The following WDR72 variants were observed in gnomAD, a reference collection of about 807,000 sequenced individuals.
WDR72 encodes the protein WD repeat-containing protein 72.
In WDR72, 120 loss-of-function variants were observed where a neutral mutation model predicts 124.2. That is an observed-to-expected ratio of 0.97 (90% CI 0.83 to 1.12). WDR72 has a LOEUF of 1.12. WDR72 is among the 50% of genes most tolerant of loss of function. The probability of loss-of-function intolerance (pLI) is 0.00; values close to 1 mark genes in which losing one functional copy is unlikely to be tolerated. For missense variants in WDR72, 1,387 were observed against 1,278.8 expected (o/e 1.08, Z -1.29); for synonymous variants, 452 against 441.7 (o/e 1.02, Z -0.29).
At chr15:53,611,229 T>C (rs988790691) in intron 16 of WDR72, among the ~76,000 whole-genome samples, 1 of 152,170 alleles carries the variant, frequency 6.6e-6, no homozygotes, top group Non-Finnish European at 1.5e-5. Flanking sequence ...ACTTCCTTTC[T>C]TTAACCTTCC....
chr15:53,738,443 T>C (rs1324443634), intron 1 of WDR72, among the ~76,000 whole-genome samples: 1 of 152,124 alleles, frequency 6.6e-6, no homozygotes, highest in African/African-American at 2.4e-5. Context: ...AGGAAGGCCC[T>C]AAAAACATCA....
intron 19 of WDR72, among the ~76,000 whole-genome samples, chr15:53,521,914 AGAGT>A (rs772368321): frequency 2.6e-5 from 4 of 152,222 alleles, no homozygotes; most frequent in Non-Finnish European, 5.9e-5. Context: ...TCTCCCTTTT[AGAGT>A]GAGACTCATC....
chr15:53,644,016 G>C (rs576486329), intron 14 of WDR72, among the ~76,000 whole-genome samples: 2 of 152,204 alleles, frequency 1.3e-5, no homozygotes, highest in South Asian at 4.1e-4. Flanking sequence ...GTGTTTAATT[G>C]TAAATGCCAA....
chr15:53,745,125 C>A (rs2018611691), intron 1 of WDR72, among the ~76,000 whole-genome samples: 2 of 150,596 alleles, frequency 1.3e-5, no homozygotes, highest in South Asian at 4.2e-4. Context: ...TGCAAATATT[C>A]TTTGAGCCTC....
intron 13 of WDR72, among the ~76,000 whole-genome samples, chr15:53,670,538 A>G (rs545217555): frequency 6.6e-6 from 1 of 152,334 alleles, no homozygotes; most frequent in African/African-American, 2.4e-5. Flanking sequence ...CAGGGGGACA[A>G]CAAGGACACA....
intron 17 of WDR72, among the ~76,000 whole-genome samples, chr15:53,600,240 G>A (rs2012982972): frequency 1.3e-5 from 2 of 152,064 alleles, no homozygotes; most frequent in Non-Finnish European, 2.9e-5. Flanking sequence ...CAGTACTTGA[G>A]TCTCTCTCTA....
intron 14 of WDR72, among the ~76,000 whole-genome samples, chr15:53,649,275 G>A (rs184106957): frequency 6.6e-6 from 1 of 152,118 alleles, no homozygotes; most frequent in Non-Finnish European, 1.5e-5. Context: ...AGGTGTACCA[G>A]AGACTGTATG....
chr15:53,627,074 A>C (rs1171575821), intron 14 of WDR72, among the ~76,000 whole-genome samples: 5 of 152,078 alleles, frequency 3.3e-5, no homozygotes, highest in Non-Finnish European at 7.3e-5. Flanking sequence ...CCTCACACTA[A>C]GGAAAAATGA....
intron 18 of WDR72, among the ~76,000 whole-genome samples, chr15:53,574,503 T>C (rs931783948): frequency 2.0e-5 from 3 of 152,168 alleles, no homozygotes; most frequent in Non-Finnish European, 2.9e-5. Context: ...TCGGAAATGA[T>C]AAAATGTGGA....
At position 53,714,700 on chromosome 15, in the gene WDR72, T is replaced by C. The variant is rs566914872; in HGVS notation, c.515-190A>G. Among the ~76,000 whole-genome samples the C allele has an allele frequency of 9.9e-5, 15 of 152,270 alleles. No homozygotes were observed. The South Asian group carries it at 2.9e-3, about 29-fold the overall frequency. On this transcript the variant is annotated intron_variant, in intron 5 of 19. Coordinates refer to ENST00000360509, the MANE Select transcript of WDR72 (RefSeq NM_182758.4). ...CCAAATCTGTTTTAAAATTTCAAAG[T>C]GATTCCTAGGTATAAGAAGAGCACC...
At chr15:53,650,324 T>C (rs1246391481) in intron 14 of WDR72, among the ~76,000 whole-genome samples, 2 of 152,172 alleles carry the variant, frequency 1.3e-5, no homozygotes, top group African/African-American at 4.8e-5. Flanking sequence ...CCAGTAAAAT[T>C]AGTAAGCTAT....
intron 18 of WDR72, among the ~76,000 whole-genome samples, chr15:53,553,232 C>T (rs1033894333): frequency 6.6e-6 from 1 of 152,126 alleles, no homozygotes; most frequent in Admixed American, 6.5e-5. Context: ...GTCCTTTGAC[C>T]TAGCAGATAA....
At chr15:53,715,892 A>G (rs12913800) in intron 4 of WDR72, among the ~76,000 whole-genome samples, 5,666 of 152,316 alleles carry the variant, frequency 0.037, 133 homozygotes, top group Non-Finnish European at 0.049. Context: ...TTAAAAAGAA[A>G]TAAAGTATTT....
chr15:53,712,735 G>T (rs780583096), intron 7 of WDR72, 37 bp downstream of exon 7: 8 of 1,591,422 alleles, frequency 5.0e-6, no homozygotes, highest in Non-Finnish European at 6.9e-6. Flanking sequence ...AATTACACTT[G>T]TACATCACTG....
chr15:53,688,369 A>G (rs927905925), intron 13 of WDR72, among the ~76,000 whole-genome samples: 2 of 148,130 alleles, frequency 1.4e-5, no homozygotes, highest in African/African-American at 5.0e-5. Flanking sequence ...GCAAAGTCTC[A>G]GGATACAAAA....
chr15:53,735,217 G>A (rs1397237207), intron 1 of WDR72, among the ~76,000 whole-genome samples: 2 of 152,118 alleles, frequency 1.3e-5, no homozygotes, highest in Non-Finnish European at 2.9e-5. Flanking sequence ...CTTGAACCCA[G>A]GAGGTGGAGG....
At chr15:53,686,625 C>A (rs1306428123) in intron 13 of WDR72, among the ~76,000 whole-genome samples, 1 of 149,994 alleles carries the variant, frequency 6.7e-6, no homozygotes, top group African/African-American at 2.5e-5. Flanking sequence ...GACTTTAACA[C>A]CCCACTGTCA....
At chr15:53,526,119 G>A (rs374573825) in intron 18 of WDR72, among the ~76,000 whole-genome samples, 1 of 152,024 alleles carries the variant, frequency 6.6e-6, no homozygotes. Context: ...TTTATTATGG[G>A]TAGAGCTCTG....
At chr15:53,756,250 G>A (rs185200293) in intron 1 of WDR72, among the ~76,000 whole-genome samples, 1 of 152,126 alleles carries the variant, frequency 6.6e-6, no homozygotes, top group Non-Finnish European at 1.5e-5. Context: ...TTCATAAGGG[G>A]CTTCCCCCTT....
Sources: gnomAD v4.1 joint callset for allele counts (sites outside exome capture counted in the v4.1 genomes callset) on GRCh38, gnomAD v4.1.1 for gene constraint, MANE v1.5 for transcripts, NCBI Gene and HGNC (gene_info 2026-07-23, HGNC 2026-07-21) for gene names.